Variants in TENM1 observed in about 807,000 individuals in gnomAD.
TENM1 encodes the protein teneurin-1.
A neutral mutation model predicts 174.8 loss-of-function variants in TENM1; 35 were observed. The observed-to-expected ratio is 0.20, with a 90% CI of 0.15 to 0.27. The LOEUF (loss-of-function observed/expected upper bound fraction) is 0.27. Ranked by LOEUF, TENM1 falls within the 10% of genes least tolerant of loss-of-function variation. The pLI is 1.00. For missense variants in TENM1, 1,633 were observed against 2,130.1 expected (o/e 0.77, Z 4.59); for synonymous variants, 781 against 798.7 (o/e 0.98, Z 0.37).
chrX:125,090,374 G>T, the TENM1 span, among the ~76,000 whole-genome samples: 1 of 111,314 alleles, frequency 9.0e-6, no homozygotes, highest in Non-Finnish European at 1.9e-5. Flanking sequence ...GGCCAGATAC[G>T]GTGGCTCACG....
At chrX:124,995,896 T>C in the TENM1 span, among the ~76,000 whole-genome samples, 5 of 110,947 alleles carry the variant, frequency 4.5e-5, no homozygotes, top group African/African-American at 1.3e-4. Flanking sequence ...ACAGTTTTCA[T>C]AGAAACATCA....
chrX:125,175,425 T>C, the TENM1 span, among the ~76,000 whole-genome samples: 1 of 111,687 alleles, frequency 9.0e-6, no homozygotes, highest in Admixed American at 9.6e-5. Flanking sequence ...CCAAAAAATA[T>C]TATTATTAAA....
chrX:124,380,745 G>A lies in TENM1; in HGVS notation c.7990C>T (p.Gln2664Ter), dbSNP rs1174084177. 1 of 1,210,934 alleles carries A rather than the reference G, an allele frequency of 8.3e-7. No homozygotes were observed. Among genetic ancestry groups the A allele is most frequent in the Non-Finnish European group, 1.1e-6 (1 of 894,901 alleles). ...CTTCTTTGTTCCTTAGTCCAGGCCT[G>A]GGCCACTGCGCGCTGTCTGGCAATC... Residue 2664 changes from glutamine (Q) to a stop codon, truncating the protein, a stop_gained, in exon 32 of 32, where the codon CAG (glutamine) becomes TAG (stop). Transcript: ENST00000422452. LOFTEE classifies it high-confidence loss of function.
At chrX:125,077,140 A>C in the TENM1 span, among the ~76,000 whole-genome samples, 2 of 111,856 alleles carry the variant, frequency 1.8e-5, no homozygotes, top group Non-Finnish European at 3.8e-5. Context: ...AAGCAATAAA[A>C]TAATCGGAAG....
intron 1 of TENM1, among the ~76,000 whole-genome samples, chrX:124,942,469 TA>T (rs901268586): frequency 3.6e-5 from 4 of 111,927 alleles, no homozygotes; most frequent in African/African-American, 1.3e-4. Context: ...TCACTATGAA[TA>T]GTTCCAAAAT....
intron 3 of TENM1, among the ~76,000 whole-genome samples, chrX:124,780,990 G>T (rs1028443452): frequency 9.0e-6 from 1 of 111,414 alleles, no homozygotes; most frequent in Admixed American, 9.5e-5. Context: ...GCTTAACAAA[G>T]ATTTTTCTTG....
At chrX:124,509,721 T>G (rs2047535103) in intron 18 of TENM1, among the ~76,000 whole-genome samples, 1 of 101,517 alleles carries the variant, frequency 9.9e-6, no homozygotes, top group African/African-American at 3.6e-5. Context: ...GAATTTTTTT[T>G]TTTTTTTTTT....
At chrX:124,820,796 G>A (rs1176214021) in intron 3 of TENM1, among the ~76,000 whole-genome samples, 1 of 112,523 alleles carries the variant, frequency 8.9e-6, no homozygotes, top group Non-Finnish European at 1.9e-5. Context: ...TATTCAGTTG[G>A]TGATATCCTT....
chrX:125,124,384 A>G, the TENM1 span, among the ~76,000 whole-genome samples: 3 of 112,191 alleles, frequency 2.7e-5, no homozygotes, highest in Non-Finnish European at 5.6e-5. Context: ...AAAAATGACT[A>G]TGACTGTACA....
At chrX:124,727,420 G>C (rs772012016) in intron 4 of TENM1, among the ~76,000 whole-genome samples, 2 of 112,167 alleles carry the variant, frequency 1.8e-5, no homozygotes, top group South Asian at 7.4e-4. Flanking sequence ...AGAATATCAA[G>C]TAGACTCTGA....
At chrX:125,162,624 A>G in the TENM1 span, among the ~76,000 whole-genome samples, 1 of 110,480 alleles carries the variant, frequency 9.1e-6, no homozygotes, top group Admixed American at 9.6e-5. Context: ...TTCATTGGCT[A>G]CTCTTCCTCC....
chrX:124,767,492 T>G (rs182373082), intron 3 of TENM1, among the ~76,000 whole-genome samples: 186 of 111,864 alleles, frequency 1.7e-3, no homozygotes, highest in Non-Finnish European at 3.0e-3. Context: ...CTTGGGCAAA[T>G]GCAAAAATAC....
the TENM1 span, among the ~76,000 whole-genome samples, chrX:125,048,811 C>T: frequency 2.7e-5 from 3 of 111,248 alleles, no homozygotes; most frequent in Non-Finnish European, 5.7e-5. Flanking sequence ...GGCAGAAATG[C>T]ATGTAGTAGT....
At position 124,900,283 on chromosome X, in the gene TENM1, CA is replaced by C. The variant is rs201845275; in HGVS notation, c.218-4043del. On this transcript the variant is annotated intron_variant, in intron 1 of 31. Transcript: ENST00000422452. The stretch of plus-strand genomic sequence containing the variant: ...AATGACTCTGCTAAGTGAAAGAAGA[CA>C]GACAAAAATCTACATATGGTATGCT... 6.3e-3 allele frequency among the ~76,000 whole-genome samples: 707 copies of C among 111,811 alleles called. 5 individuals are homozygous for C. The highest frequency in any genetic ancestry group is 0.022 in the African/African-American group (674 of 30,809).
the TENM1 span, among the ~76,000 whole-genome samples, chrX:125,006,878 A>G: frequency 8.9e-6 from 1 of 111,826 alleles, no homozygotes; most frequent in Non-Finnish European, 1.9e-5. Context: ...AAAGGTCATC[A>G]GCCTCAAAGA....
At chrX:124,443,158 A>G (rs1415886064) in intron 23 of TENM1, among the ~76,000 whole-genome samples, 1 of 107,080 alleles carries the variant, frequency 9.3e-6, no homozygotes, top group African/African-American at 3.4e-5. Flanking sequence ...TTAAATTGAC[A>G]TATAGATTTT....
the TENM1 span, among the ~76,000 whole-genome samples, chrX:125,128,598 C>T: frequency 9.0e-6 from 1 of 111,079 alleles, no homozygotes; most frequent in African/African-American, 3.3e-5. Context: ...ATGTGCTATC[C>T]TTATTTTCTT....
chrX:124,947,322 C>T (rs908467132), intron 1 of TENM1, among the ~76,000 whole-genome samples: 1 of 111,595 alleles, frequency 9.0e-6, no homozygotes, highest in South Asian at 3.7e-4. Flanking sequence ...TCATTATAGA[C>T]CCATTTGAAC....
At chrX:124,423,537 G>A (rs959851902) in intron 23 of TENM1, among the ~76,000 whole-genome samples, 1 of 111,107 alleles carries the variant, frequency 9.0e-6, no homozygotes, top group Non-Finnish European at 1.9e-5. Flanking sequence ...CAACAGAGGG[G>A]ATAAGATAGC....
Sources: allele counts gnomAD v4.1 joint callset (sites outside exome capture counted in the v4.1 genomes callset), GRCh38; gene constraint gnomAD v4.1.1; transcripts MANE v1.5; gene names NCBI Gene and HGNC (gene_info 2026-07-23, HGNC 2026-07-21).